The following C7orf25 variants were observed in gnomAD, a reference collection of about 807,000 sequenced individuals.
C7orf25 encodes the protein chromosome 7 open reading frame 25.
In C7orf25, 14 loss-of-function variants were observed where a neutral mutation model predicts 25.5. The ratio of observed to expected loss-of-function variants is 0.55; its 90% CI spans 0.36 to 0.86. C7orf25 has a LOEUF of 0.86. Ranked by LOEUF, C7orf25 falls within the 40% of genes least tolerant of loss-of-function variation. C7orf25 has a pLI of 0.01. For synonymous variants in C7orf25, 184 were observed against 179.9 expected (o/e 1.02, Z -0.18); for missense variants, 405 against 493.9 (o/e 0.82, Z 1.71).
At position 42,909,913 on chromosome 7, in the gene C7orf25, A is replaced by G; in HGVS notation, c.988T>C (p.Leu330=). 6.2e-7 allele frequency: 1 copy of G among 1,614,184 alleles called. No individual in the cohort carries two copies. Among genetic ancestry groups the G allele is most frequent in the Non-Finnish European group, 8.5e-7 (1 of 1,180,044 alleles). The stretch of plus-strand genomic sequence containing the variant: ...GGTACCACATTAATTCGCTTAATTA[A>G]CACAGTGGCCCTCTCTCTCTCCCCA... ...GPGERERATV[L]IKRINVVPDQ... Residue 330 remains leucine (L), a synonymous_variant, in exon 2 of 2, where the codon TTA becomes CTA. Transcript: ENST00000350427.
intron 1 of C7orf25, chr7:42,911,146 T>C: frequency 1.2e-6 from 1 of 801,708 alleles, no homozygotes; most frequent in Non-Finnish European, 2.0e-6. Context: ...TGACACACTT[T>C]AGACCTTCAT....
chr7:42,911,669 G>C (rs1394118565), intron 1 of C7orf25: 2 of 1,129,610 alleles, frequency 1.8e-6, no homozygotes, highest in African/African-American at 1.6e-5. Flanking sequence ...GGGCGGGCCA[G>C]AGGCCGGCGG....
Position 42,910,748 on chromosome 7 carries a change from T to A in C7orf25, c.153A>T (p.Lys51Asn). 2 of 1,614,194 alleles carry A rather than the reference T, an allele frequency of 1.2e-6. No individual in the cohort carries two copies. Among genetic ancestry groups the A allele is most frequent in the Non-Finnish European group, 8.5e-7 (1 of 1,180,036 alleles). The change falls in exon 2 of 2, where the codon AAA (lysine) becomes AAT (asparagine). Residue 51 changes from lysine to asparagine, a missense_variant. Transcript: ENST00000350427. The part of the protein sequence containing the change: ...KLKAELKFLQ[K>N]VEAGKVAIKE... The stretch of plus-strand genomic sequence containing the variant: ...TAATAGCTACTTTCCCAGCTTCTAC[T>A]TTCTGCAAGAATTTTAATTCTGCCT...
chr7:42,911,271 A>G lies in C7orf25; in HGVS notation c.-21-350T>C, dbSNP rs370844722. 3.3e-4 allele frequency: 240 copies of G among 729,146 alleles called. 1 individual carries two copies. In the South Asian group the frequency reaches 4.0e-3, roughly 12 times the overall value. The allele number at this position is 729,146 out of a possible 1,614,324, so 45.2% of individuals were successfully genotyped here. A position where few individuals can be genotyped will look rare whatever the true frequency, so the allele number is the denominator to read the frequency against. ...CTTATGTCTATCAGCGGCCTGTTTA[A>G]CTGCTGAGAAATTTTAATAAAGGCG... On this transcript the variant is annotated intron_variant, in intron 1 of 1. Transcript: ENST00000350427.
At chr7:42,911,892 C>A in intron 1 of C7orf25, 23 bp downstream of exon 1, 1 of 1,427,578 alleles carries the variant, frequency 7.0e-7, no homozygotes, top group Non-Finnish European at 9.1e-7. Flanking sequence ...CCAGCCTCCC[C>A]GCCTCGCTCC....
intron 1 of C7orf25, chr7:42,911,498 G>A: frequency 1.0e-6 from 1 of 1,000,652 alleles, no homozygotes; most frequent in Non-Finnish European, 1.2e-6. Flanking sequence ...CCTCATTTCT[G>A]CATTTGACGT....
At position 42,910,797 on chromosome 7, in the gene C7orf25, C is replaced by T. The variant is rs773139571; in HGVS notation, c.104G>A (p.Gly35Asp). 20 of 1,614,070 alleles carry T rather than the reference C, an allele frequency of 1.2e-5. No individual in the cohort carries two copies. The African/African-American group carries it at 2.7e-4, about 22-fold the overall frequency. The change falls in exon 2 of 2, where the codon GGT (glycine) becomes GAT (aspartate). Residue 35 changes from glycine to aspartate, a missense_variant. By Grantham distance (94) the Gly-to-Asp change is moderately conservative. Coordinates refer to ENST00000350427, the MANE Select transcript of C7orf25 (RefSeq NM_001099858.2). ...CTTCAATTTGCTGCACAGCTTTGCA[C>T]CACCTTCTATGCCACCTTTTCTTGA... The part of the protein sequence containing the change: ...SRSRKGGIEG[G>D]AKLCSKLKAE...
chr7:42,911,250 T>G (rs1007178407), intron 1 of C7orf25: 11 of 587,952 alleles, frequency 1.9e-5, no homozygotes, highest in Non-Finnish European at 2.9e-5. Flanking sequence ...AATTCCCTTA[T>G]GTCTATCAGC....
At chr7:42,911,080 C>A in intron 1 of C7orf25, 159 bp from the exon 2 acceptor site, 1 of 1,217,844 alleles carries the variant, frequency 8.2e-7, no homozygotes, top group Non-Finnish European at 1.2e-6. Flanking sequence ...ACTGCTTCCT[C>A]TGATAGCTAA....
chr7:42,911,992 G>T lies in C7orf25; in HGVS notation c.-99C>A, dbSNP rs777989676. The T allele has an allele frequency of 8.7e-6, 13 of 1,494,882 alleles. No homozygotes were observed. The highest frequency in any genetic ancestry group is 6.2e-5 in the South Asian group (5 of 80,012). The allele number at this position is 1,494,882 out of a possible 1,614,324, so 92.6% of individuals were successfully genotyped here. On this transcript the variant is annotated 5_prime_UTR_variant, in exon 1 of 2. Transcript: ENST00000350427. ...CGGGACCCGCCGGGAAATCTCAACCGGGCAGCCCCCACCCCGCTCGAACGC... is the reference window on the plus strand; with the variant it reads ...CGGGACCCGCCGGGAAATCTCAACCTGGCAGCCCCCACCCCGCTCGAACGC...
chr7:42,909,513 T>C lies in C7orf25; in HGVS notation c.*122A>G. ...CTTTAGATGAGAGACAAAGAAACTC[T>C]ACTGGTTTAAGAGTTCTCAGTTTTA... On this transcript the variant is annotated 3_prime_UTR_variant, in exon 2 of 2. Coordinates refer to ENST00000350427, the MANE Select transcript of C7orf25 (RefSeq NM_001099858.2). 9.8e-7 allele frequency: 1 copy of C among 1,019,886 alleles called. No homozygotes were observed. The highest frequency in any genetic ancestry group is 1.8e-5 in the South Asian group (1 of 56,758). The allele number at this position is 1,019,886 out of a possible 1,614,324, so 63.2% of individuals were successfully genotyped here.
intron 1 of C7orf25, chr7:42,911,605 CA>C: frequency 9.5e-7 from 1 of 1,050,390 alleles, no homozygotes; most frequent in Non-Finnish European, 1.1e-6. Context: ...AACTAAACTC[CA>C]AGGCTGCAAC....
Position 42,909,575 on chromosome 7 carries a change from G to A in C7orf25, c.*60C>T. ...GACCTTTTTTCCCACCAGTTTAGATGGGAAGACCCAGCCTTTGGTATAAAT... is the reference window on the plus strand; with the variant it reads ...GACCTTTTTTCCCACCAGTTTAGATAGGAAGACCCAGCCTTTGGTATAAAT... On this transcript the variant is annotated 3_prime_UTR_variant, in exon 2 of 2. Transcript: ENST00000350427. 1 of 1,529,816 alleles carries A rather than the reference G, an allele frequency of 6.5e-7. No individual in the cohort carries two copies. Among genetic ancestry groups the A allele is most frequent in the African/African-American group, 1.4e-5 (1 of 72,086 alleles). The allele number at this position is 1,529,816 out of a possible 1,614,324, so 94.8% of individuals were successfully genotyped here. A position where few individuals can be genotyped will look rare whatever the true frequency, so the allele number is the denominator to read the frequency against.
intron 1 of C7orf25, chr7:42,911,443 T>C (rs1785892764): frequency 9.9e-7 from 1 of 1,006,490 alleles, no homozygotes; most frequent in Non-Finnish European, 1.2e-6. Flanking sequence ...GCCTCATGAT[T>C]TCCCCCGAGG....
At position 42,910,104 on chromosome 7, in the gene C7orf25, C is replaced by G; in HGVS notation, c.797G>C (p.Gly266Ala). The G allele has an allele frequency of 1.2e-6, 2 of 1,614,154 alleles. No homozygotes were observed. The highest frequency in any genetic ancestry group is 1.7e-6 in the Non-Finnish European group (2 of 1,180,036). ...TTTCTCTTTGAAAATAAAGTGGCAG[C>G]CTCCATAGCTGAGGGCAGATACATA... is the stretch of plus-strand genomic sequence containing the variant. Reference protein sequence around the residue: ...ITYVSALSYGGCHFIFKEKVL... With the variant: ...ITYVSALSYGACHFIFKEKVL... The change falls in exon 2 of 2, where the codon GGC becomes GCC. Residue 266 changes from glycine (G) to alanine (A), a missense_variant. Coordinates refer to ENST00000350427, the MANE Select transcript of C7orf25 (RefSeq NM_001099858.2).
chr7:42,911,433 G>A (rs1035967739), intron 1 of C7orf25: 2 of 1,006,856 alleles, frequency 2.0e-6, no homozygotes, highest in Admixed American at 5.4e-5. Flanking sequence ...TCAACCGGCT[G>A]CCTCATGATT....
chr7:42,909,659 G>GTCTTTTGGTAGA lies in C7orf25; in HGVS notation c.1241_1242insTCTACCAAAAGA (p.Leu411_Asp414dup), dbSNP rs763086430. On this transcript the variant is annotated inframe_insertion, in exon 2 of 2. Transcript: ENST00000350427. ...TTTAGTGTTCACTGTCAGTTGTGTA[G>GTCTTTTGGTAGA]TCTTTTGGTAAGGGGGTGGCTAGAG... is the stretch of plus-strand genomic sequence containing the variant. 2 of 1,613,300 alleles carry GTCTTTTGGTAGA rather than the reference G, an allele frequency of 1.2e-6. No individual in the cohort carries two copies. Among genetic ancestry groups the GTCTTTTGGTAGA allele is most frequent in the Admixed American group, 3.3e-5 (2 of 59,836 alleles).
chr7:42,911,877 C>T (rs1229349671), intron 1 of C7orf25, 38 bp downstream of exon 1: 5 of 1,406,176 alleles, frequency 3.6e-6, no homozygotes, highest in Non-Finnish European at 4.6e-6. Flanking sequence ...AGAGGCGCCC[C>T]GCTCCCAGCC....
chr7:42,911,463 C>T, intron 1 of C7orf25: 4 of 1,002,974 alleles, frequency 4.0e-6, no homozygotes, highest in Non-Finnish European at 4.8e-6. Context: ...GCTTGGGGTA[C>T]TTACGCCAAA....
Sources: gnomAD v4.1 joint callset for allele counts on GRCh38, gnomAD v4.1.1 for gene constraint, MANE v1.5 for transcripts, NCBI Gene and HGNC (gene_info 2026-07-23, HGNC 2026-07-21) for gene names.